PRKAR1A: variants seen among roughly 807,000 people sequenced by gnomAD.
The protein encoded by PRKAR1A is cAMP-dependent protein kinase type I-alpha regulatory subunit.
In PRKAR1A, 3 loss-of-function variants were observed where a neutral mutation model predicts 52.0. The ratio of observed to expected loss-of-function variants is 0.06; its 90% confidence interval spans 0.03 to 0.15. The LOEUF (loss-of-function observed/expected upper bound fraction) is 0.15. PRKAR1A is among the 10% of genes least tolerant of loss of function. The pLI is 1.00. For synonymous variants in PRKAR1A, 188 were observed against 168.4 expected (o/e 1.12, Z -0.90); for missense variants, 240 against 477.4 (o/e 0.50, Z 4.63).
At chr17:68,540,824 T>C (rs1457875622) in intron 11 of PRKAR1A, 8 of 1,575,930 alleles carry the variant, frequency 5.1e-6, no homozygotes, top group East Asian at 2.3e-5. Context: ...CCACTTCTGC[T>C]GGGGGCCTGC....
chr17:68,415,347 T>C, the PRKAR1A span, among the ~76,000 whole-genome samples: 3 of 152,238 alleles, frequency 2.0e-5, no homozygotes, highest in South Asian at 4.1e-4. Context: ...TCCTTTGGAA[T>C]GGATTTCCAG....
rs754473762 is a variant in PRKAR1A at position 68,530,501 on chromosome 17, C to CA, written c.*53dup. ...TCCTCTCCCCAATCCATGCTTCACT[C>CA]ATGCAAACTGCTTTATTTTCCCTAC... On this transcript the variant is annotated 3_prime_UTR_variant, in exon 11 of 11. Coordinates refer to ENST00000589228, the MANE Select transcript of PRKAR1A (RefSeq NM_002734.5). 52 of 1,613,764 alleles carry CA rather than the reference C, an allele frequency of 3.2e-5. No homozygotes were observed. In the East Asian group the frequency reaches 8.5e-4, roughly 26 times the overall value.
chr17:68,452,436 G>A, the PRKAR1A span, among the ~76,000 whole-genome samples: 1 of 152,164 alleles, frequency 6.6e-6, no homozygotes. Context: ...TTGGTGGCAT[G>A]TGCCTGTAAT....
chr17:68,427,033 C>T, the PRKAR1A span: 5 of 970,008 alleles, frequency 5.2e-6, no homozygotes, highest in African/African-American at 4.8e-5. Context: ...GGGCACTCCA[C>T]CCCCAGGTAA....
the PRKAR1A span, among the ~76,000 whole-genome samples, chr17:68,447,317 G>C: frequency 6.6e-6 from 1 of 152,180 alleles, no homozygotes; most frequent in African/African-American, 2.4e-5. Context: ...CAATACAAGA[G>C]AAATAACATT....
Position 68,532,840 on chromosome 17 carries a change from G to A in PRKAR1A, c.*2391G>A. The stretch of plus-strand genomic sequence containing the variant: ...CTGTCCTTCCCCGAAAGTCTACTCG[G>A]GTGGGCAAAAATGAAAAGGGGGAAA... On this transcript the variant is annotated 3_prime_UTR_variant, in exon 11 of 11. Coordinates refer to ENST00000589228, the MANE Select transcript of PRKAR1A (RefSeq NM_002734.5). 1 of 1,066,358 alleles carries A rather than the reference G, an allele frequency of 9.4e-7. No homozygotes were observed. Among genetic ancestry groups the A allele is most frequent in the Non-Finnish European group, 1.1e-6 (1 of 879,780 alleles). The allele number at this position is 1,066,358 out of a possible 1,614,324, so 66.1% of individuals were successfully genotyped here.
intron 5 of PRKAR1A, 53 bp downstream of exon 5, chr17:68,524,130 A>C: frequency 6.3e-7 from 1 of 1,592,368 alleles, no homozygotes; most frequent in Non-Finnish European, 8.6e-7. Context: ...GCGAGACTAG[A>C]GGATTTTTTT....
intron 11 of PRKAR1A, among the ~76,000 whole-genome samples, chr17:68,539,087 T>C (rs2086182113): frequency 6.6e-6 from 1 of 152,184 alleles, no homozygotes; most frequent in Non-Finnish European, 1.5e-5. Context: ...ATAGAAAAGA[T>C]AGTAAAACTG....
chr17:68,430,093 G>C, the PRKAR1A span: 1 of 1,614,166 alleles, frequency 6.2e-7, no homozygotes, highest in Non-Finnish European at 8.5e-7. Context: ...TGGGTAGGGA[G>C]GTAGTTGGTA....
At chr17:68,433,776 T>G in the PRKAR1A span, among the ~76,000 whole-genome samples, 53 of 63,134 alleles carry the variant, frequency 8.4e-4, no homozygotes, top group African/African-American at 2.2e-3. Context: ...TTTTTTTTTT[T>G]TTTTTTTTTT....
At chr17:68,519,631 T>TG (rs988949680) in intron 2 of PRKAR1A, among the ~76,000 whole-genome samples, 1 of 152,214 alleles carries the variant, frequency 6.6e-6, no homozygotes, top group East Asian at 1.9e-4. Context: ...TCGTCATTAC[T>TG]GGGGGGTTGT....
At chr17:68,541,161 A>G (rs1427490774) in intron 11 of PRKAR1A, 6 of 662,738 alleles carry the variant, frequency 9.1e-6, no homozygotes, top group Non-Finnish European at 1.5e-5. Flanking sequence ...TGGGTCCTTT[A>G]AGTCTGGTGG....
At chr17:68,486,509 CTTTCTT>C in the PRKAR1A span, among the ~76,000 whole-genome samples, 27 of 43,380 alleles carry the variant, frequency 6.2e-4, no homozygotes, top group African/African-American at 2.0e-3. Flanking sequence ...TTCCTTCCTT[CTTTCTT>C]TCTTTCTTTC....
At chr17:68,441,462 A>G in the PRKAR1A span, among the ~76,000 whole-genome samples, 2 of 152,264 alleles carry the variant, frequency 1.3e-5, no homozygotes, top group African/African-American at 2.4e-5. Context: ...TATAAAATCA[A>G]CAGTCACAGT....
the PRKAR1A span, among the ~76,000 whole-genome samples, chr17:68,500,316 G>A: frequency 6.6e-5 from 10 of 152,158 alleles, no homozygotes; most frequent in Admixed American, 2.0e-4. Context: ...CTATTCTTGA[G>A]GTAGTGAATA....
chr17:68,513,538 T>G (rs952583093), intron 1 of PRKAR1A, among the ~76,000 whole-genome samples: 5 of 152,218 alleles, frequency 3.3e-5, no homozygotes, highest in African/African-American at 1.2e-4. Flanking sequence ...AATCTGAGTG[T>G]TTTGTTTTAC....
At chr17:68,420,717 C>T in the PRKAR1A span, 34 of 496,574 alleles carry the variant, frequency 6.8e-5, no homozygotes, top group Middle Eastern at 5.2e-4. Context: ...GGCACAGGTG[C>T]CAGCTCCAGC....
In PRKAR1A at chr17:68,530,456, C is replaced by A. The variant is rs2143392576; in HGVS notation, c.*7C>A. On this transcript the variant is annotated 3_prime_UTR_variant, in exon 11 of 11. Coordinates refer to ENST00000589228, the MANE Select transcript of PRKAR1A (RefSeq NM_002734.5). ...TGTGTCACTGTCTGTCTGAAATCTG[C>A]CTCCTGTGCCTCCCTTTTCTCCTCT... 2 of 1,613,980 alleles carry A rather than the reference C, an allele frequency of 1.2e-6. No homozygotes were observed. The highest frequency in any genetic ancestry group is 1.7e-6 in the Non-Finnish European group (2 of 1,179,882).
At chr17:68,490,827 C>T in the PRKAR1A span, among the ~76,000 whole-genome samples, 256 of 152,250 alleles carry the variant, frequency 1.7e-3, 2 homozygotes, top group African/African-American at 5.6e-3. Flanking sequence ...GGCCCCATCT[C>T]GTCACATTAC....
Sources: gnomAD v4.1 joint callset for allele counts (sites outside exome capture counted in the v4.1 genomes callset) on GRCh38, gnomAD v4.1.1 for gene constraint, MANE v1.5 for transcripts, NCBI Gene and HGNC (gene_info 2026-07-23, HGNC 2026-07-21) for gene names.